ITPKB: variants seen among roughly 807,000 people sequenced by gnomAD.
ITPKB encodes inositol-trisphosphate 3-kinase B.
In ITPKB, 13 loss-of-function variants were observed where a neutral mutation model predicts 69.4. The ratio of observed to expected loss-of-function variants is 0.19; its 90% CI spans 0.12 to 0.30. The LOEUF (loss-of-function observed/expected upper bound fraction) is 0.30. Ranked by LOEUF, ITPKB falls within the 10% of genes least tolerant of loss-of-function variation. The pLI is 1.00. For missense variants in ITPKB, 1,240 were observed against 1,250.5 expected, an observed-to-expected ratio of 0.99 and a Z score of 0.13; for synonymous variants, 584 against 513.7, an observed-to-expected ratio of 1.14 and a Z score of -1.85.
At chr1:226,717,393 C>T (rs1369385424) in intron 2 of ITPKB, among the ~76,000 whole-genome samples, 1 of 152,168 alleles carries the variant, frequency 6.6e-6, no homozygotes, top group East Asian at 1.9e-4. Flanking sequence ...AAAGGGGAAG[C>T]ATCTCTGGGA....
At chr1:226,695,215 G>A (rs1056532356) in intron 2 of ITPKB, among the ~76,000 whole-genome samples, 7 of 152,128 alleles carry the variant, frequency 4.6e-5, no homozygotes, top group Non-Finnish European at 8.8e-5. Context: ...GGGAGACAGA[G>A]GGAGACTCTG....
At chr1:226,644,154 C>T (rs1024846942) in intron 4 of ITPKB, among the ~76,000 whole-genome samples, 2 of 152,216 alleles carry the variant, frequency 1.3e-5, no homozygotes, top group African/African-American at 4.8e-5. Flanking sequence ...AAAGGGCCCC[C>T]GTGGCTCAAA....
chr1:226,658,782 G>A (rs530039022), intron 2 of ITPKB, among the ~76,000 whole-genome samples: 15 of 152,220 alleles, frequency 9.9e-5, no homozygotes, highest in South Asian at 2.1e-4. Context: ...ATTACTGAGC[G>A]CTGTCGGGTT....
At chr1:226,670,755 T>C (rs1031458689) in intron 2 of ITPKB, among the ~76,000 whole-genome samples, 1 of 152,276 alleles carries the variant, frequency 6.6e-6, no homozygotes, top group East Asian at 1.9e-4. Flanking sequence ...TCAGTTATTA[T>C]ATTCTATTGC....
At chr1:226,671,352 C>T (rs530794212) in intron 2 of ITPKB, among the ~76,000 whole-genome samples, 23 of 152,350 alleles carry the variant, frequency 1.5e-4, no homozygotes, top group African/African-American at 5.1e-4. Flanking sequence ...AGGGCAGGGA[C>T]CGTGGAATCC....
chr1:226,645,516 G>A (rs1447659552), intron 4 of ITPKB, among the ~76,000 whole-genome samples: 4 of 152,186 alleles, frequency 2.6e-5, no homozygotes, highest in East Asian at 3.9e-4. Flanking sequence ...TGGGACAGCC[G>A]ACTTCCAGAA....
intron 2 of ITPKB, chr1:226,707,362 ATTTTTGTAT>A (rs1656827344): frequency 4.3e-6 from 1 of 231,218 alleles, no homozygotes; most frequent in East Asian, 1.8e-4. Flanking sequence ...CACCTGGCTA[ATTTTTGTAT>A]TTTTTAGTAG....
At chr1:226,678,596 T>A (rs1655980239) in intron 2 of ITPKB, among the ~76,000 whole-genome samples, 2 of 152,238 alleles carry the variant, frequency 1.3e-5, no homozygotes, top group South Asian at 2.1e-4. Flanking sequence ...GTGAAATGAA[T>A]TTGGGACACT....
At chr1:226,670,907 C>T (rs570483589) in intron 2 of ITPKB, among the ~76,000 whole-genome samples, 14 of 152,204 alleles carry the variant, frequency 9.2e-5, no homozygotes, top group South Asian at 6.2e-4. Flanking sequence ...TTTTTATTTT[C>T]GAAATTTCTG....
At chr1:226,677,153 G>A (rs1669749287) in intron 2 of ITPKB, among the ~76,000 whole-genome samples, 1 of 152,202 alleles carries the variant, frequency 6.6e-6, no homozygotes, top group South Asian at 2.1e-4. Flanking sequence ...GTTACCCCCA[G>A]GGACAGCAGG....
chr1:226,649,311 G>A (rs994287510), intron 2 of ITPKB, among the ~76,000 whole-genome samples: 6 of 147,366 alleles, frequency 4.1e-5, no homozygotes, highest in African/African-American at 1.0e-4. Context: ...ATGTGTGTGT[G>A]CATATGTGTG....
chr1:226,693,567 C>A (rs1433594186), intron 2 of ITPKB, among the ~76,000 whole-genome samples: 1 of 152,218 alleles, frequency 6.6e-6, no homozygotes, highest in Non-Finnish European at 1.5e-5. Flanking sequence ...AAGTTTCACA[C>A]AACAGTACTT....
intron 2 of ITPKB, among the ~76,000 whole-genome samples, chr1:226,699,671 T>C (rs1219919082): frequency 2.6e-5 from 4 of 152,190 alleles, no homozygotes; most frequent in Non-Finnish European, 5.9e-5. Context: ...TTTTTGAGAA[T>C]AGCCCTTTCT....
Position 226,637,782 on chromosome 1 carries a change from C to T in ITPKB, c.2554-32G>A, listed in dbSNP as rs566987106. The T allele has an allele frequency of 6.4e-6, 10 of 1,556,256 alleles. No individual in the cohort carries two copies. The highest frequency in any genetic ancestry group is 3.4e-5 in the Admixed American group (2 of 59,274). ...ATAGAAAGAGGACCAGATTTTTAAGCGCCGCGTGGGGAAGGGCAGTGTCAG... is the reference window on the plus strand; with the variant it reads ...ATAGAAAGAGGACCAGATTTTTAAGTGCCGCGTGGGGAAGGGCAGTGTCAG... On this transcript the variant is annotated intron_variant, in intron 6 of 7. Transcript: ENST00000429204. This position sits in a 1 kb window ranked among gnomAD's most constrained non-coding sequence, Gnocchi z 4.3.
chr1:226,727,246 G>C (rs908089145), intron 2 of ITPKB, among the ~76,000 whole-genome samples: 1 of 152,194 alleles, frequency 6.6e-6, no homozygotes, highest in African/African-American at 2.4e-5. Flanking sequence ...TTCAACTGGG[G>C]AAGAAGCACT....
rs761700488 is a variant in ITPKB, at chr1:226,707,900, A to G, written c.1932+27627T>C. 29 of 1,333,144 alleles carry G rather than the reference A, an allele frequency of 2.2e-5. No individual in the cohort carries two copies. The Admixed American group carries it at 6.5e-4, about 30-fold the overall frequency. 82.6% of individuals were successfully genotyped at this position (1,333,144 alleles called of 1,614,324 possible). A position where few individuals can be genotyped will look rare whatever the true frequency, so the allele number is the denominator to read the frequency against. ...CCCCAGCAGTACCACTGAGGGGAAC[A>G]CTTCCCAAGAAGTCACTAAAGGGAG... On this transcript the variant is annotated intron_variant, in intron 2 of 7. Transcript: ENST00000429204.
At chr1:226,689,563 TTTTA>T (rs1656295752) in intron 2 of ITPKB, among the ~76,000 whole-genome samples, 1 of 136,260 alleles carries the variant, frequency 7.3e-6, no homozygotes, top group Non-Finnish European at 1.6e-5. Context: ...TGTCGGAAGG[TTTTA>T]TTTGTGTGTG....
Position 226,641,123 on chromosome 1 carries a change from G to A in ITPKB, c.2451+798C>T, listed in dbSNP as rs576919321. Among the ~76,000 whole-genome samples the A allele has an allele frequency of 3.7e-4, 57 of 152,342 alleles. No homozygotes were observed. Among genetic ancestry groups the A allele is most frequent in the African/African-American group, 1.3e-3 (56 of 41,584 alleles). ...CCGGCTCTTGCAAATTTAACAGCAA[G>A]GGTGCACACAGGGGCCCAGGGACAG... On this transcript the variant is annotated intron_variant, in intron 5 of 7. Coordinates refer to ENST00000429204, the MANE Select transcript of ITPKB (RefSeq NM_002221.4). The surrounding 1 kb of genome is among the most constrained non-coding windows in gnomAD (Gnocchi z 4.6).
At chr1:226,666,164 C>T (rs1200817544) in intron 2 of ITPKB, among the ~76,000 whole-genome samples, 1 of 152,186 alleles carries the variant, frequency 6.6e-6, no homozygotes, top group Non-Finnish European at 1.5e-5. Flanking sequence ...GCCCCAAAGC[C>T]CTCCTTAAGG....
Sources: gnomAD v4.1 joint callset for allele counts (sites outside exome capture counted in the v4.1 genomes callset) on GRCh38, gnomAD v4.1.1 for gene constraint, Gnocchi (gnomAD v3.1) non-coding constraint, MANE v1.5 for transcripts, NCBI Gene and HGNC (gene_info 2026-07-23, HGNC 2026-07-21) for gene names.